QTMAN: variants seen among roughly 807,000 people sequenced by gnomAD.
The protein encoded by QTMAN is tRNA-queuosine alpha-mannosyltransferase.
At chr2:144,094,937 G>C in the QTMAN span, among the ~76,000 whole-genome samples, 1 of 152,188 alleles carries the variant, frequency 6.6e-6, no homozygotes, top group Non-Finnish European at 1.5e-5. Context: ...CTTGAGGACA[G>C]GATCACATCT....
chr2:144,059,980 A>G, the QTMAN span, among the ~76,000 whole-genome samples: 1 of 152,238 alleles, frequency 6.6e-6, no homozygotes, highest in East Asian at 1.9e-4. Context: ...ACTATATCTG[A>G]AATTATTTTA....
the QTMAN span, among the ~76,000 whole-genome samples, chr2:144,035,402 T>A: frequency 2.0e-5 from 3 of 152,328 alleles, no homozygotes; most frequent in Admixed American, 6.5e-5. Context: ...AAATGGTTTT[T>A]AAGCTCAAGT....
the QTMAN span, among the ~76,000 whole-genome samples, chr2:144,042,381 A>G: frequency 2.0e-5 from 3 of 152,148 alleles, no homozygotes; most frequent in Admixed American, 2.0e-4. Context: ...TGACAGGAAA[A>G]ACAAAATAAA....
the QTMAN span, among the ~76,000 whole-genome samples, chr2:144,233,612 C>T: frequency 2.0e-5 from 3 of 152,124 alleles, no homozygotes; most frequent in African/African-American, 7.2e-5. Flanking sequence ...GGCTGTTTTT[C>T]ATTTTTGTGC....
At chr2:144,280,115 C>T in the QTMAN span, among the ~76,000 whole-genome samples, 1 of 152,090 alleles carries the variant, frequency 6.6e-6, no homozygotes, top group Non-Finnish European at 1.5e-5. Context: ...CAAATAAACA[C>T]TAGTACTGTT....
chr2:144,153,481 G>A, the QTMAN span, among the ~76,000 whole-genome samples: 16 of 152,194 alleles, frequency 1.1e-4, no homozygotes, highest in Admixed American at 6.5e-4. Context: ...AGGCTGAGGC[G>A]GGCGGATCAC....
At chr2:143,940,028 T>A in the QTMAN span, 1 of 152,220 alleles carries the variant, frequency 6.6e-6, no homozygotes, top group East Asian at 1.9e-4. Flanking sequence ...TACCTCCCCA[T>A]TCCACTATTA....
At chr2:143,991,548 C>T in the QTMAN span, among the ~76,000 whole-genome samples, 126 of 137,858 alleles carry the variant, frequency 9.1e-4, no homozygotes, top group African/African-American at 2.4e-3. Flanking sequence ...CCGCCCCGTC[C>T]GGGAGGGAGG....
the QTMAN span, among the ~76,000 whole-genome samples, chr2:143,950,465 G>A: frequency 6.6e-6 from 1 of 151,604 alleles, no homozygotes; most frequent in Non-Finnish European, 1.5e-5. Flanking sequence ...AAAATTTGCA[G>A]AGGTTTAAAA....
chr2:144,128,385 A>C, the QTMAN span: 1 of 152,104 alleles, frequency 6.6e-6, no homozygotes, highest in Non-Finnish European at 1.5e-5. Context: ...TTTTCATCTC[A>C]AAATGAGTTA....
chr2:143,970,244 C>T, the QTMAN span, among the ~76,000 whole-genome samples: 1 of 152,096 alleles, frequency 6.6e-6, no homozygotes, highest in South Asian at 2.1e-4. Flanking sequence ...AGTTAGATGC[C>T]AAAATGCTTT....
chr2:144,259,405 C>T, the QTMAN span, among the ~76,000 whole-genome samples: 1 of 152,118 alleles, frequency 6.6e-6, no homozygotes, highest in African/African-American at 2.4e-5. Flanking sequence ...GTGATCCACC[C>T]ACCTCAGCCT....
the QTMAN span, among the ~76,000 whole-genome samples, chr2:144,305,567 T>C: frequency 6.6e-6 from 1 of 152,202 alleles, no homozygotes; most frequent in Non-Finnish European, 1.5e-5. Context: ...TTTTCAAAGC[T>C]GTTTTAAAAA....
the QTMAN span, among the ~76,000 whole-genome samples, chr2:144,276,692 G>A: frequency 1.3e-5 from 2 of 152,106 alleles, no homozygotes; most frequent in Non-Finnish European, 2.9e-5. Context: ...TACTTCTTCA[G>A]GGAAACGACA....
chr2:143,959,028 C>T, the QTMAN span, among the ~76,000 whole-genome samples: 138 of 151,974 alleles, frequency 9.1e-4, 1 homozygote, highest in African/African-American at 3.2e-3. Context: ...TCATCTAAAT[C>T]CAACATTTAG....
At chr2:144,295,425 T>C in the QTMAN span, 3 of 152,174 alleles carry the variant, frequency 2.0e-5, no homozygotes, top group African/African-American at 7.2e-5. Context: ...TAAATATTTG[T>C]TGAATGGATG....
At chr2:144,285,266 A>G in the QTMAN span, among the ~76,000 whole-genome samples, 1 of 152,128 alleles carries the variant, frequency 6.6e-6, no homozygotes, top group South Asian at 2.1e-4. Flanking sequence ...CTAACTTCTA[A>G]GTATCTAAAT....
chr2:143,951,983 T>C, the QTMAN span: 2 of 1,484,508 alleles, frequency 1.3e-6, no homozygotes, highest in Non-Finnish European at 1.9e-6. Context: ...AATAACTACC[T>C]TATAGAGATG....
chr2:144,095,874 A>T, the QTMAN span, among the ~76,000 whole-genome samples: 1 of 152,112 alleles, frequency 6.6e-6, no homozygotes, highest in African/African-American at 2.4e-5. Flanking sequence ...ATATTTTTAA[A>T]CCAATCTCCA....
Sources: gnomAD v4.1 joint callset for allele counts (sites outside exome capture counted in the v4.1 genomes callset) on GRCh38, gnomAD v4.1.1 for gene constraint, MANE v1.5 for transcripts, NCBI Gene and HGNC (gene_info 2026-07-23, HGNC 2026-07-21) for gene names.